The following SLC5A1 variants were observed in gnomAD, a reference collection of about 807,000 sequenced individuals.
SLC5A1 encodes solute carrier family 5 member 1.
SLC5A1 carries 42 observed loss-of-function variants against 73.5 expected under a neutral mutation model. The observed-to-expected ratio is 0.57, with a 90% CI of 0.45 to 0.74. The LOEUF (loss-of-function observed/expected upper bound fraction) is 0.74, where lower values mean the gene tolerates loss of function less well. Ranked by LOEUF, SLC5A1 falls within the 30% of genes least tolerant of loss-of-function variation. The probability of loss-of-function intolerance (pLI) is 0.00; values close to 1 mark genes in which losing one functional copy is unlikely to be tolerated. For missense variants in SLC5A1, 634 were observed against 855.4 expected (o/e 0.74, Z 3.23); for synonymous variants, 300 against 317.4 (o/e 0.95, Z 0.58).
chr22:32,104,631 T>G (rs561323862), intron 13 of SLC5A1, among the ~76,000 whole-genome samples, 155 bp from the exon 14 acceptor site: 64 of 152,360 alleles, frequency 4.2e-4, no homozygotes, highest in Non-Finnish European at 6.3e-4. Context: ...TTTTTAGAGA[T>G]AATGTTATGG....
chr22:32,094,250 T>C (rs1350375602), intron 11 of SLC5A1, among the ~76,000 whole-genome samples: 1 of 152,204 alleles, frequency 6.6e-6, no homozygotes, highest in Non-Finnish European at 1.5e-5. Flanking sequence ...GCTAGTATTT[T>C]GTTAAGGATT....
intron 3 of SLC5A1, 90 bp downstream of exon 3, chr22:32,067,129 T>C (rs1031881405): frequency 9.0e-7 from 1 of 1,105,268 alleles, no homozygotes; most frequent in African/African-American, 1.5e-5. Context: ...GCTGAAGATG[T>C]TAGGGAACCC....
intron 11 of SLC5A1, among the ~76,000 whole-genome samples, chr22:32,096,939 G>A (rs1298446092): frequency 6.6e-6 from 1 of 152,240 alleles, no homozygotes; most frequent in Non-Finnish European, 1.5e-5. Flanking sequence ...ACCCAAAGGA[G>A]ATCTGACTGT....
chr22:32,081,785 A>G lies in SLC5A1; in HGVS notation c.478-81A>G, dbSNP rs1020642755. The G allele has an allele frequency of 2.7e-5, 23 of 856,512 alleles. 1 individual carries two copies. The South Asian group carries it at 3.0e-4, about 11-fold the overall frequency. 53.1% of individuals were successfully genotyped at this position (856,512 alleles called of 1,614,324 possible). On this transcript the variant is annotated intron_variant, in intron 5 of 14. Coordinates refer to ENST00000266088, the MANE Select transcript of SLC5A1 (RefSeq NM_000343.4). ...ATCATCTTGAATAAAGCTTGCTTGG[A>G]AAATCAGGAGTAGAGAGACTACAGG...
chr22:32,080,566 C>T lies in SLC5A1; in HGVS notation c.478-1300C>T, dbSNP rs368642068. ...GAGATGTGAGAAGTAAGAGTCCAACCCTGCTGGCCCATCCCCAAGGCTCCG... is the reference window on the plus strand; with the variant it reads ...GAGATGTGAGAAGTAAGAGTCCAACTCTGCTGGCCCATCCCCAAGGCTCCG... On this transcript the variant is annotated intron_variant, in intron 5 of 14. Transcript: ENST00000266088. Among the ~76,000 whole-genome samples, 78 of 152,208 alleles carry T rather than the reference C, an allele frequency of 5.1e-4. 2 individuals are homozygous for T. In the South Asian group the frequency reaches 0.016, roughly 32 times the overall value.
intron 5 of SLC5A1, among the ~76,000 whole-genome samples, chr22:32,077,228 T>G (rs1191522093): frequency 6.6e-6 from 1 of 151,718 alleles, no homozygotes; most frequent in East Asian, 1.9e-4. Context: ...CTTTCCTTCC[T>G]TCCTTCCCTC....
At chr22:32,081,811 C>T (rs957643431) in intron 5 of SLC5A1, 55 bp from the exon 6 acceptor site, 3 of 1,048,070 alleles carry the variant, frequency 2.9e-6, no homozygotes, top group Admixed American at 1.7e-5. Context: ...AGACTACAGG[C>T]CCTGTAGGCA....
At chr22:32,108,301 C>T (rs954596281) in intron 14 of SLC5A1, among the ~76,000 whole-genome samples, 1 of 152,080 alleles carries the variant, frequency 6.6e-6, no homozygotes, top group East Asian at 1.9e-4. Context: ...CGGAGCTTCA[C>T]CATGTTAGCC....
chr22:32,085,686 T>G lies in SLC5A1; in HGVS notation c.1022-534T>G, dbSNP rs1031886212. Among the ~76,000 whole-genome samples, 6 of 152,102 alleles carry G rather than the reference T, an allele frequency of 3.9e-5. No homozygotes were observed. In the East Asian group the frequency reaches 9.7e-4, roughly 25 times the overall value. Reference sequence around the variant, plus strand: ...CTGAATGTTTCTTTGATTTCTTTCCTCCGTTGCCTAGAAATTGTCTTTCTT... The same window carrying G: ...CTGAATGTTTCTTTGATTTCTTTCCGCCGTTGCCTAGAAATTGTCTTTCTT... On this transcript the variant is annotated intron_variant, in intron 9 of 14. Coordinates refer to ENST00000266088, the MANE Select transcript of SLC5A1 (RefSeq NM_000343.4).
intron 5 of SLC5A1, among the ~76,000 whole-genome samples, chr22:32,079,603 A>T (rs1177869144): frequency 2.0e-5 from 3 of 152,174 alleles, no homozygotes; most frequent in African/African-American, 7.2e-5. Context: ...TACTCTGGAA[A>T]ATCAACCAAG....
chr22:32,106,740 C>CT (rs1454074746), intron 14 of SLC5A1, among the ~76,000 whole-genome samples: 1 of 152,214 alleles, frequency 6.6e-6, no homozygotes, highest in Non-Finnish European at 1.5e-5. Context: ...AGTATTGCAA[C>CT]TTTTCCTCTC....
intron 5 of SLC5A1, among the ~76,000 whole-genome samples, chr22:32,073,875 G>A (rs1406780305): frequency 1.3e-5 from 2 of 152,118 alleles, no homozygotes; most frequent in Non-Finnish European, 2.9e-5. Context: ...TTGGTTTTTA[G>A]TTATAAGATG....
intron 1 of SLC5A1, 71 bp from the exon 2 acceptor site, chr22:32,049,872 A>T: frequency 8.7e-7 from 1 of 1,147,948 alleles, no homozygotes; most frequent in South Asian, 1.2e-5. Flanking sequence ...ACGAATGGGG[A>T]GGTATGTCCT....
chr22:32,110,192 T>C lies in SLC5A1; in HGVS notation c.1974T>C (p.Phe658=), dbSNP rs766884048. ...NGIILVTVAV[F]CHAYFA ...TCATCCTGGTGACCGTGGCTGTCTT[T>C]TGCCATGCATATTTTGCCTGAGTCC... Residue 658 remains phenylalanine (F), a synonymous_variant, in exon 15 of 15, where the codon TTT becomes TTC. Transcript: ENST00000266088. 2 of 1,613,768 alleles carry C rather than the reference T, an allele frequency of 1.2e-6. No individual in the cohort carries two copies. Among genetic ancestry groups the C allele is most frequent in the South Asian group, 1.1e-5 (1 of 91,068 alleles).
chr22:32,104,580 T>A (rs1409069906), intron 13 of SLC5A1, among the ~76,000 whole-genome samples: 1 of 152,262 alleles, frequency 6.6e-6, no homozygotes, highest in African/African-American at 2.4e-5. Context: ...TCATAGAGGC[T>A]AGTATATACA....
intron 5 of SLC5A1, among the ~76,000 whole-genome samples, chr22:32,073,586 C>T (rs2093986093): frequency 6.6e-6 from 1 of 151,968 alleles, no homozygotes; most frequent in Admixed American, 6.6e-5. Context: ...GATGTAGTTT[C>T]ACTCTCGTTG....
At chr22:32,062,038 A>G (rs1001812260) in intron 2 of SLC5A1, among the ~76,000 whole-genome samples, 6 of 152,218 alleles carry the variant, frequency 3.9e-5, no homozygotes, top group Admixed American at 1.3e-4. Flanking sequence ...TAACTTGTGG[A>G]AGAGAGATTT....
At chr22:32,081,405 G>C (rs1462230665) in intron 5 of SLC5A1, among the ~76,000 whole-genome samples, 2 of 152,158 alleles carry the variant, frequency 1.3e-5, no homozygotes, top group Non-Finnish European at 2.9e-5. Context: ...GCTCCTGGGT[G>C]GGGGTGGGGT....
intron 2 of SLC5A1, among the ~76,000 whole-genome samples, chr22:32,057,740 C>G (rs1390100132): frequency 6.6e-6 from 1 of 152,092 alleles, no homozygotes; most frequent in Non-Finnish European, 1.5e-5. Context: ...TAATCATTTC[C>G]AAGGTAATTC....
Sources: allele counts gnomAD v4.1 joint callset (sites outside exome capture counted in the v4.1 genomes callset), GRCh38; gene constraint gnomAD v4.1.1; transcripts MANE v1.5; gene names NCBI Gene and HGNC (gene_info 2026-07-23, HGNC 2026-07-21).